The following ANK3 variants were observed in gnomAD, a reference collection of about 807,000 sequenced individuals.
The protein encoded by ANK3 is ankyrin 3.
Under a neutral mutation model 370.9 loss-of-function variants are expected in ANK3, and 57 were observed. That is an observed-to-expected ratio of 0.15 (90% confidence interval 0.12 to 0.19). The LOEUF (loss-of-function observed/expected upper bound fraction) is 0.19. Ranked by LOEUF, ANK3 falls within the 10% of genes least tolerant of loss-of-function variation. ANK3 has a pLI of 1.00. For missense variants in ANK3, 4,439 were observed against 5,302.1 expected, an observed-to-expected ratio of 0.84 and a Z score of 5.06; for synonymous variants, 1,929 against 1,946.3, an observed-to-expected ratio of 0.99 and a Z score of 0.23.
intron 1 of ANK3, among the ~76,000 whole-genome samples, chr10:60,327,096 C>T (rs975843753): frequency 6.6e-6 from 1 of 152,000 alleles, no homozygotes; most frequent in Admixed American, 6.6e-5. Context: ...GAGCATGCAG[C>T]TTTCCTAAAC....
intron 40 of ANK3, chr10:60,059,652 T>C: frequency 1.3e-6 from 2 of 1,562,644 alleles, no homozygotes; most frequent in Non-Finnish European, 1.7e-6. Context: ...TGGTTTAACA[T>C]CTTTTGGGGA....
intron 2 of ANK3, among the ~76,000 whole-genome samples, chr10:60,556,640 C>A (rs571162710): frequency 2.0e-5 from 3 of 152,114 alleles, no homozygotes; most frequent in South Asian, 2.1e-4. Flanking sequence ...TATATTTTAC[C>A]CAAAATCTTC....
intron 18 of ANK3, among the ~76,000 whole-genome samples, chr10:60,177,434 A>AAACTCAT (rs1339846597): frequency 2.0e-5 from 3 of 152,008 alleles, no homozygotes; most frequent in Non-Finnish European, 4.4e-5. Context: ...ACCCAATAGG[A>AAACTCAT]AACTCATAGT....
chr10:60,109,593 A>G (rs1235493793), intron 26 of ANK3, among the ~76,000 whole-genome samples: 1 of 152,240 alleles, frequency 6.6e-6, no homozygotes, highest in African/African-American at 2.4e-5. Flanking sequence ...GGAGATGACT[A>G]GATTTGCTAC....
chr10:60,500,736 T>C (rs2075775150), intron 2 of ANK3, among the ~76,000 whole-genome samples: 1 of 152,200 alleles, frequency 6.6e-6, no homozygotes, highest in African/African-American at 2.4e-5. Flanking sequence ...GATCTAAGAA[T>C]CTGCATTTTA....
At chr10:60,094,704 A>G (rs890759648) in intron 28 of ANK3, among the ~76,000 whole-genome samples, 1 of 152,186 alleles carries the variant, frequency 6.6e-6, no homozygotes, top group Non-Finnish European at 1.5e-5. Context: ...AAGTCAAAAA[A>G]AAAATAAATG....
chr10:60,492,350 G>C (rs2075529651), intron 2 of ANK3, among the ~76,000 whole-genome samples: 1 of 152,128 alleles, frequency 6.6e-6, no homozygotes, highest in Admixed American at 6.5e-5. Context: ...TCTTTAAAAG[G>C]GGATAATGAT....
intron 23 of ANK3, among the ~76,000 whole-genome samples, chr10:60,147,495 T>C (rs1335299698): frequency 6.6e-6 from 1 of 152,214 alleles, no homozygotes; most frequent in African/African-American, 2.4e-5. Context: ...GGATATACTT[T>C]TGATATGGTT....
chr10:60,555,587 TCTGAAGAC>T (rs1324440624), intron 2 of ANK3, among the ~76,000 whole-genome samples: 3 of 152,172 alleles, frequency 2.0e-5, no homozygotes, highest in Non-Finnish European at 4.4e-5. Flanking sequence ...GTATTTTGAA[TCTGAAGAC>T]CATAAAAGAA....
chr10:60,584,223 G>A (rs2077798166), intron 2 of ANK3, among the ~76,000 whole-genome samples: 1 of 152,170 alleles, frequency 6.6e-6, no homozygotes, highest in Non-Finnish European at 1.5e-5. Context: ...TTGTTTTTAA[G>A]CTAAATAGTA....
In ANK3 at chr10:60,492,666, C is replaced by T. The variant is rs190060938; in HGVS notation, c.96+122520G>A. On this transcript the variant is annotated intron_variant, in intron 2 of 43. Coordinates refer to the ANK3 transcript ENST00000373827. ...AGGTTGCAGTGAGCCGAGATCATGC[C>T]ACTGCGCTCCAGCCTGGGCAACACA... Among the ~76,000 whole-genome samples, 623 of 136,252 alleles carry T rather than the reference C, an allele frequency of 4.6e-3. 7 individuals are homozygous for T. The highest frequency in any genetic ancestry group is 0.016 in the African/African-American group (587 of 35,748). The allele number at this position is 136,252 out of a possible 152,430, so 89.4% of individuals were successfully genotyped here.
At chr10:60,046,398 A>G (rs1246339722) in intron 42 of ANK3, among the ~76,000 whole-genome samples, 2 of 152,234 alleles carry the variant, frequency 1.3e-5, no homozygotes, top group Non-Finnish European at 2.9e-5. Flanking sequence ...TAAAGAACCC[A>G]GGAAAATCCC....
chr10:60,146,681 G>C (rs1479663215), intron 23 of ANK3, among the ~76,000 whole-genome samples: 1 of 152,134 alleles, frequency 6.6e-6, no homozygotes, highest in Non-Finnish European at 1.5e-5. Context: ...TAGAGACAGG[G>C]TTCCACCATA....
At chr10:60,053,965 T>TTTAC (rs1267567681) in intron 42 of ANK3, among the ~76,000 whole-genome samples, 5 of 152,204 alleles carry the variant, frequency 3.3e-5, no homozygotes, top group African/African-American at 1.2e-4. Flanking sequence ...CACAAACTCA[T>TTTAC]TTACAAGAAA....
intron 43 of ANK3, among the ~76,000 whole-genome samples, chr10:60,036,373 C>A (rs1172989003): frequency 1.4e-5 from 2 of 143,702 alleles, no homozygotes; most frequent in East Asian, 4.2e-4. Context: ...TGAGTGCTTA[C>A]TAAGGAGGGT....
chr10:60,665,372 T>C (rs1187530276), intron 1 of ANK3, among the ~76,000 whole-genome samples: 1 of 152,218 alleles, frequency 6.6e-6, no homozygotes, highest in Admixed American at 6.5e-5. Flanking sequence ...TGCTCGTCAT[T>C]GTGCCTGATG....
At chr10:60,372,393 T>C (rs774652222) in intron 1 of ANK3, among the ~76,000 whole-genome samples, 9 of 151,966 alleles carry the variant, frequency 5.9e-5, no homozygotes, top group Non-Finnish European at 8.8e-5. Context: ...TTAAGGGGTA[T>C]CACGATTCTC....
intron 1 of ANK3, among the ~76,000 whole-genome samples, chr10:60,691,900 G>C (rs1466258192): frequency 6.6e-6 from 1 of 152,084 alleles, no homozygotes; most frequent in Non-Finnish European, 1.5e-5. Context: ...ACGTGTACCT[G>C]TGCCAAAAAC....
chr10:60,679,175 G>A (rs2079162696), intron 1 of ANK3, among the ~76,000 whole-genome samples: 1 of 152,116 alleles, frequency 6.6e-6, no homozygotes, highest in African/African-American at 2.4e-5. Flanking sequence ...GCATGGACAG[G>A]GCAGGCAAAG....
Sources: allele counts gnomAD v4.1 joint callset (sites outside exome capture counted in the v4.1 genomes callset), GRCh38; gene constraint gnomAD v4.1.1; transcripts MANE v1.5; gene names NCBI Gene and HGNC (gene_info 2026-07-23, HGNC 2026-07-21).